Variants in VPS13B observed in about 807,000 individuals in gnomAD.
VPS13B encodes the protein intermembrane lipid transfer protein VPS13B.
Under a neutral mutation model 426.4 loss-of-function variants are expected in VPS13B, and 285 were observed. The ratio of observed to expected loss-of-function variants is 0.67; its 90% CI spans 0.61 to 0.74. The LOEUF (loss-of-function observed/expected upper bound fraction) is 0.74, where lower values mean the gene tolerates loss of function less well. VPS13B is among the 30% of genes least tolerant of loss of function. VPS13B has a pLI of 0.00. For synonymous variants in VPS13B, 1,676 were observed against 1,676.4 expected (o/e 1.00, Z 0.01); for missense variants, 4,537 against 4,782.6 (o/e 0.95, Z 1.51).
At chr8:99,640,068 AAAG>A (rs1563839010) in intron 33 of VPS13B, among the ~76,000 whole-genome samples, 2 of 136,234 alleles carry the variant, frequency 1.5e-5, no homozygotes, top group African/African-American at 5.4e-5. Flanking sequence ...AAAGAAAAGA[AAAG>A]AAAAGAAAAG....
intron 19 of VPS13B, among the ~76,000 whole-genome samples, chr8:99,364,703 G>A (rs1812754721): frequency 1.3e-5 from 2 of 152,160 alleles, no homozygotes; most frequent in Admixed American, 1.3e-4. Flanking sequence ...AGAGTGCTGG[G>A]ATTACAAGTG....
intron 19 of VPS13B, among the ~76,000 whole-genome samples, chr8:99,355,415 A>AC (rs1283585857): frequency 3.9e-5 from 6 of 152,016 alleles, no homozygotes; most frequent in Non-Finnish European, 5.9e-5. Flanking sequence ...ACATGGTGAA[A>AC]CCCCGTCTCT....
chr8:99,443,802 G>A (rs1267216106), intron 23 of VPS13B, among the ~76,000 whole-genome samples: 1 of 152,010 alleles, frequency 6.6e-6, no homozygotes, highest in Non-Finnish European at 1.5e-5. Flanking sequence ...ATTTTTGTGT[G>A]GATTTGTTTT....
Position 99,091,378 on chromosome 8 carries a change from G to GA in VPS13B, c.292-4932dup, listed in dbSNP as rs559893625. On this transcript the variant is annotated intron_variant, in intron 3 of 61. Coordinates refer to ENST00000357162, the MANE Select transcript of VPS13B (RefSeq NM_152564.5). ...TTCCTTTGAGATGATCAAATGAAAA[G>GA]AATACAAGGGAGGGTCATTTCTTTT... Among the ~76,000 whole-genome samples the GA allele has an allele frequency of 3.2e-3, 484 of 152,230 alleles. 2 individuals carry two copies. The highest frequency in any genetic ancestry group is 0.01 in the African/African-American group (428 of 41,558).
At chr8:99,128,948 G>A (rs186812785) in intron 8 of VPS13B, among the ~76,000 whole-genome samples, 24 of 152,052 alleles carry the variant, frequency 1.6e-4, no homozygotes, top group Non-Finnish European at 2.8e-4. Flanking sequence ...GACCAGCCTG[G>A]CCAATATGGT....
At position 99,854,114 on chromosome 8, in the gene VPS13B, C is replaced by T. The variant is rs757408143; in HGVS notation, c.10725C>T (p.His3575=). The T allele has an allele frequency of 1.7e-5, 28 of 1,613,054 alleles. No individual in the cohort carries two copies. Among genetic ancestry groups the T allele is most frequent in the Admixed American group, 1.5e-4 (9 of 59,984 alleles). ...CAGTAAATTTGCTCGTCAGCATCCA[C>T]GCTTCCCTCAAGCTGTACATAGCCT... is the stretch of plus-strand genomic sequence containing the variant. ...IQPVNLLVSI[H]ASLKLYIASD... is the part of the protein sequence containing the mutation. The change falls in exon 56 of 62, where the codon CAC becomes CAT. Residue 3575 remains histidine (H), a synonymous_variant. Transcript: ENST00000357162.
intron 33 of VPS13B, among the ~76,000 whole-genome samples, chr8:99,617,446 A>G (rs982098572): frequency 2.6e-5 from 4 of 152,050 alleles, no homozygotes; most frequent in Admixed American, 6.6e-5. Context: ...CTCCTGCCTC[A>G]GGTTCCTAGT....
At chr8:99,873,457 A>G (rs1417506946) in intron 61 of VPS13B, among the ~76,000 whole-genome samples, 1 of 152,210 alleles carries the variant, frequency 6.6e-6, no homozygotes, top group Non-Finnish European at 1.5e-5. Context: ...CAGGGCTGAA[A>G]GAGGGTTGGG....
chr8:99,604,319 G>A (rs1827466183), intron 33 of VPS13B, among the ~76,000 whole-genome samples: 1 of 151,976 alleles, frequency 6.6e-6, no homozygotes, highest in African/African-American at 2.4e-5. Flanking sequence ...TGAACCAACA[G>A]TGATACATTA....
At chr8:99,308,879 G>C (rs1366367539) in intron 19 of VPS13B, among the ~76,000 whole-genome samples, 2 of 151,992 alleles carry the variant, frequency 1.3e-5, no homozygotes, top group Admixed American at 6.5e-5. Context: ...CATTCTAACT[G>C]GTGTGAGATG....
At chr8:99,656,966 A>C (rs894530387) in intron 34 of VPS13B, among the ~76,000 whole-genome samples, 3 of 152,190 alleles carry the variant, frequency 2.0e-5, no homozygotes, top group Admixed American at 1.3e-4. Context: ...ATTCTGTTTT[A>C]TCAACCCTGT....
chr8:99,774,230 T>G (rs1041308435), intron 40 of VPS13B, among the ~76,000 whole-genome samples: 3 of 152,230 alleles, frequency 2.0e-5, no homozygotes, highest in African/African-American at 4.8e-5. Context: ...AAAGTTTTAA[T>G]TTTTGCATAT....
At chr8:99,739,704 G>A (rs1444481643) in intron 39 of VPS13B, among the ~76,000 whole-genome samples, 1 of 152,184 alleles carries the variant, frequency 6.6e-6, no homozygotes, top group Non-Finnish European at 1.5e-5. Context: ...TGATACCCAG[G>A]CAAACAGGGT....
chr8:99,136,144 A>T (rs2132557940), intron 11 of VPS13B, among the ~76,000 whole-genome samples: 1 of 152,176 alleles, frequency 6.6e-6, no homozygotes, highest in South Asian at 2.1e-4. Context: ...GAAATCAGTT[A>T]AAAATTCAGA....
intron 17 of VPS13B, among the ~76,000 whole-genome samples, chr8:99,255,002 C>T (rs569375735): frequency 6.6e-6 from 1 of 152,110 alleles, no homozygotes; most frequent in Non-Finnish European, 1.5e-5. Flanking sequence ...AAAGGTAGAT[C>T]TTTTATCTAA....
chr8:99,084,120 T>C (rs1255027486), intron 3 of VPS13B, among the ~76,000 whole-genome samples: 3 of 152,192 alleles, frequency 2.0e-5, no homozygotes, highest in Non-Finnish European at 4.4e-5. Flanking sequence ...TATTAATTAT[T>C]GCCTCAATTT....
At chr8:99,697,173 C>G in intron 35 of VPS13B, 4 of 546,864 alleles carry the variant, frequency 7.3e-6, no homozygotes, top group Non-Finnish European at 1.3e-5. Flanking sequence ...AAAGGAAGAG[C>G]AGGTGAAAGT....
chr8:99,308,191 T>A (rs879869621), intron 19 of VPS13B, among the ~76,000 whole-genome samples: 30 of 152,132 alleles, frequency 2.0e-4, no homozygotes, highest in Non-Finnish European at 3.5e-4. Flanking sequence ...ATTTTTTTTT[T>A]AATTACACTT....
At chr8:99,079,953 T>A (rs572950250) in intron 3 of VPS13B, among the ~76,000 whole-genome samples, 317 of 151,530 alleles carry the variant, frequency 2.1e-3, no homozygotes, top group African/African-American at 4.4e-3. Context: ...GTTTTCATTT[T>A]AAAAAAATTG....
Sources: allele counts gnomAD v4.1 joint callset (sites outside exome capture counted in the v4.1 genomes callset), GRCh38; gene constraint gnomAD v4.1.1; transcripts MANE v1.5; gene names NCBI Gene and HGNC (gene_info 2026-07-23, HGNC 2026-07-21).